TET1: variants seen among roughly 807,000 people sequenced by gnomAD.
TET1 encodes tet methylcytosine dioxygenase 1, also known as methylcytosine dioxygenase TET1.
TET1 carries 13 observed loss-of-function variants against 148.7 expected under a neutral mutation model. That is an observed-to-expected ratio of 0.09 (90% CI 0.06 to 0.14). The LOEUF (loss-of-function observed/expected upper bound fraction) is 0.14. Among genes scored for constraint, TET1 ranks in the 10% least tolerant of loss-of-function variants. The pLI, the probability that TET1 is intolerant of heterozygous loss-of-function variation, is 1.00. For missense variants in TET1, 2,182 were observed against 2,553.8 expected, an observed-to-expected ratio of 0.85 and a Z score of 3.14; for synonymous variants, 907 against 937.2, an observed-to-expected ratio of 0.97 and a Z score of 0.59.
chr10:68,670,250 T>G (rs2055254915), intron 7 of TET1, among the ~76,000 whole-genome samples: 1 of 152,200 alleles, frequency 6.6e-6, no homozygotes, highest in African/African-American at 2.4e-5. Flanking sequence ...TTTTCCCCTG[T>G]CCATGATTGA....
intron 2 of TET1, among the ~76,000 whole-genome samples, chr10:68,583,777 G>C (rs575376773): frequency 6.6e-6 from 1 of 152,164 alleles, no homozygotes; most frequent in African/African-American, 2.4e-5. Flanking sequence ...TGGGCATGAT[G>C]GCGCGTGTCT....
At chr10:68,566,823 C>CT (rs58151009) in intron 1 of TET1, among the ~76,000 whole-genome samples, 52,695 of 130,722 alleles carry the variant, frequency 0.4, 10,859 homozygotes, top group Non-Finnish European at 0.52. Flanking sequence ...CTCTCTCTCT[C>CT]TTTTTTTTTT....
chr10:68,647,142 C>A, intron 4 of TET1, 137 bp downstream of exon 4: 2 of 963,376 alleles, frequency 2.1e-6, no homozygotes, highest in Non-Finnish European at 2.9e-6. Flanking sequence ...TTAAGTAAAT[C>A]TATAACCATT....
chr10:68,678,477 T>C (rs747629171), intron 8 of TET1, among the ~76,000 whole-genome samples: 6 of 152,160 alleles, frequency 3.9e-5, no homozygotes, highest in Non-Finnish European at 5.9e-5. Flanking sequence ...AGGCCTGGTG[T>C]GGTGGCTTAC....
chr10:68,599,127 G>T (rs747400292), intron 2 of TET1, among the ~76,000 whole-genome samples: 2 of 152,254 alleles, frequency 1.3e-5, no homozygotes, highest in Non-Finnish European at 2.9e-5. Flanking sequence ...AAACTGAAAG[G>T]CTAGGGATTA....
chr10:68,570,393 C>A (rs1462910910), intron 1 of TET1, among the ~76,000 whole-genome samples: 5 of 152,056 alleles, frequency 3.3e-5, no homozygotes, highest in African/African-American at 9.7e-5. Flanking sequence ...GCGTGAGCCA[C>A]CGCGCCCAGC....
At chr10:68,641,266 G>A (rs889228404) in intron 3 of TET1, among the ~76,000 whole-genome samples, 5 of 151,930 alleles carry the variant, frequency 3.3e-5, no homozygotes, top group East Asian at 1.9e-4. Flanking sequence ...GTAATGGCAC[G>A]ATCTCGGCTC....
At chr10:68,584,194 C>T (rs1185741818) in intron 2 of TET1, among the ~76,000 whole-genome samples, 1 of 149,548 alleles carries the variant, frequency 6.7e-6, no homozygotes, top group African/African-American at 2.4e-5. Flanking sequence ...CACACCCCAC[C>T]ACACCCAGCT....
intron 3 of TET1, among the ~76,000 whole-genome samples, chr10:68,618,091 G>A (rs1366616471): frequency 6.6e-6 from 1 of 151,888 alleles, no homozygotes; most frequent in Non-Finnish European, 1.5e-5. Context: ...TTGGGGGTGG[G>A]GAGGGCATAG....
intron 3 of TET1, among the ~76,000 whole-genome samples, chr10:68,635,201 G>A (rs2054633149): frequency 6.6e-6 from 1 of 151,780 alleles, no homozygotes; most frequent in Non-Finnish European, 1.5e-5. Context: ...AAGTAGAAAA[G>A]GAAAGGTTTT....
chr10:68,572,079 C>G, intron 1 of TET1, 138 bp from the exon 2 acceptor site: 1 of 388,276 alleles, frequency 2.6e-6, no homozygotes, highest in South Asian at 3.6e-5. Flanking sequence ...GATCATGCCT[C>G]TGCACTCCAG....
At chr10:68,680,474 AGC>A (rs2055420998) in intron 8 of TET1, among the ~76,000 whole-genome samples, 1 of 152,190 alleles carries the variant, frequency 6.6e-6, no homozygotes, top group Non-Finnish European at 1.5e-5. Context: ...CCTCCCAAGT[AGC>A]TGGGACTGCA....
Position 68,572,697 on chromosome 10 carries a change from T to G in TET1, c.359T>G (p.Leu120Arg), listed in dbSNP as rs569120485. 12 of 1,614,158 alleles carry G rather than the reference T, an allele frequency of 7.4e-6. No homozygotes were observed. The African/African-American group carries it at 1.5e-4, about 20-fold the overall frequency. The part of the protein sequence containing the change: ...SLSRRLSQPP[L>R]VVAKSKKVPL... ...AGCAGGCGACTCTCCCAACCCCCAC[T>G]GGTCGTAGCCAAATCCAAAAAGGTT... Residue 120 changes from leucine (L) to arginine (R), a missense_variant, in exon 2 of 12, where the codon CTG becomes CGG. This residue lies in a region of TET1 where 665 missense variants were observed against 672.4 expected (regional missense o/e 0.99). Coordinates refer to ENST00000373644, the MANE Select transcript of TET1 (RefSeq NM_030625.3).
chr10:68,590,637 G>A (rs2053908180), intron 2 of TET1, among the ~76,000 whole-genome samples: 1 of 151,512 alleles, frequency 6.6e-6, no homozygotes, highest in South Asian at 2.1e-4. Context: ...GACCAGCCTG[G>A]GCAACATATT....
Position 68,686,637 on chromosome 10 carries a change from T to C in TET1, c.5334T>C (p.Ile1778=). 6.2e-7 allele frequency: 1 copy of C among 1,613,878 alleles called. No individual in the cohort carries two copies. The highest frequency in any genetic ancestry group is 2.2e-5 in the East Asian group (1 of 44,880). Residue 1778 remains isoleucine, a synonymous_variant, in exon 11 of 12, where the codon ATT becomes ATC. Transcript: ENST00000373644. ...HKIRAVEKKP[I]PRIKRKNNST... Reference sequence around the variant, plus strand: ...TAAGGGCAGTGGAAAAGAAACCTATTCCCCGAATCAAGCGGAAGAATAACT... The same window carrying C: ...TAAGGGCAGTGGAAAAGAAACCTATCCCCCGAATCAAGCGGAAGAATAACT...
At chr10:68,614,578 C>T (rs1421811238) in intron 3 of TET1, among the ~76,000 whole-genome samples, 5 of 152,172 alleles carry the variant, frequency 3.3e-5, no homozygotes, top group African/African-American at 1.2e-4. Context: ...GTGGCACGAT[C>T]TCAGCTCACT....
At chr10:68,665,227 G>T (rs1258547870) in intron 6 of TET1, among the ~76,000 whole-genome samples, 1 of 151,840 alleles carries the variant, frequency 6.6e-6, no homozygotes, top group Non-Finnish European at 1.5e-5. Flanking sequence ...TGTGAGGTAG[G>T]GGTCAAGATT....
intron 2 of TET1, among the ~76,000 whole-genome samples, chr10:68,588,849 T>C (rs1589055640): frequency 6.7e-6 from 1 of 150,240 alleles, no homozygotes; most frequent in African/African-American, 2.4e-5. Flanking sequence ...TGGCTGGGTG[T>C]GGTGGCTCAC....
intron 1 of TET1, among the ~76,000 whole-genome samples, chr10:68,570,028 A>G (rs924182217): frequency 6.6e-6 from 1 of 152,060 alleles, no homozygotes; most frequent in African/African-American, 2.4e-5. Context: ...ACATGGGCAT[A>G]TTGTGTGGTA....
Sources: allele counts gnomAD v4.1 joint callset (sites outside exome capture counted in the v4.1 genomes callset), GRCh38; gene constraint gnomAD v4.1.1; regional missense constraint gnomAD v4.1.1; transcripts MANE v1.5; gene names NCBI Gene and HGNC (gene_info 2026-07-23, HGNC 2026-07-21).